The following PCDH11X variants were observed in gnomAD, a reference collection of about 807,000 sequenced individuals.
PCDH11X encodes protocadherin 11 X-linked, also known as protocadherin-11 X-linked.
In PCDH11X, 18 loss-of-function variants were observed where a neutral mutation model predicts 53.3. The ratio of observed to expected loss-of-function variants is 0.34; its 90% CI spans 0.23 to 0.50. PCDH11X has a LOEUF of 0.50. Ranked by LOEUF, PCDH11X falls within the 20% of genes least tolerant of loss-of-function variation. PCDH11X has a pLI of 0.98. For missense variants in PCDH11X, 570 were observed against 1,032.4 expected, an observed-to-expected ratio of 0.55 and a Z score of 6.14; for synonymous variants, 279 against 393.3, an observed-to-expected ratio of 0.71 and a Z score of 3.44.
chrX:92,062,543 A>G (rs1443486592), intron 6 of PCDH11X, among the ~76,000 whole-genome samples: 1 of 111,910 alleles, frequency 8.9e-6, no homozygotes, highest in Non-Finnish European at 1.9e-5. Flanking sequence ...AAGGATATGA[A>G]CAGACACTTC....
At chrX:91,954,359 T>C (rs1428009180) in intron 6 of PCDH11X, among the ~76,000 whole-genome samples, 2 of 111,650 alleles carry the variant, frequency 1.8e-5, no homozygotes, top group Non-Finnish European at 3.8e-5. Context: ...CGGTCTATCA[T>C]TGATGGGCAT....
rs1035680913 is a variant in PCDH11X at position 91,929,937 on chromosome X, G to C, written c.3033+50664G>C. Reference sequence around the variant, plus strand: ...TCATAAAAAGCCTCTATTGAGGAGAGTAGTGGAGTGATTTACTTAAAAAGA... The same window carrying C: ...TCATAAAAAGCCTCTATTGAGGAGACTAGTGGAGTGATTTACTTAAAAAGA... On this transcript the variant is annotated intron_variant, in intron 6 of 10. Coordinates refer to ENST00000682573, the MANE Select transcript of PCDH11X (RefSeq NM_032968.5). Among the ~76,000 whole-genome samples, 4 of 111,196 alleles carry C rather than the reference G, an allele frequency of 3.6e-5. 1 individual carries two copies. The highest frequency in any genetic ancestry group is 7.4e-4 in the South Asian group (2 of 2,696).
At chrX:91,863,355 A>C (rs1938792138) in intron 5 of PCDH11X, among the ~76,000 whole-genome samples, 1 of 110,999 alleles carries the variant, frequency 9.0e-6, no homozygotes, top group African/African-American at 3.3e-5. Flanking sequence ...TTATATACTG[A>C]CTTTCTCTCT....
At chrX:92,609,561 C>T (rs903189485) in intron 10 of PCDH11X, among the ~76,000 whole-genome samples, 8 of 111,530 alleles carry the variant, frequency 7.2e-5, no homozygotes, top group African/African-American at 2.6e-4. Context: ...ATAGTCTATA[C>T]AGATATTAGC....
intron 7 of PCDH11X, among the ~76,000 whole-genome samples, chrX:92,216,623 ACT>A (rs1328966497): frequency 2.1e-5 from 2 of 94,504 alleles, no homozygotes; most frequent in Non-Finnish European, 4.3e-5. Context: ...GTTGGAAAAA[ACT>A]CTGCAGGACA....
intron 6 of PCDH11X, among the ~76,000 whole-genome samples, chrX:92,132,143 G>A (rs1281421570): frequency 5.9e-5 from 6 of 101,921 alleles, no homozygotes; most frequent in African/African-American, 2.2e-4. Context: ...AAATTAGCTG[G>A]GCGTGGTGGT....
intron 4 of PCDH11X, among the ~76,000 whole-genome samples, chrX:91,822,199 A>T (rs1193087347): frequency 3.6e-5 from 4 of 110,180 alleles, no homozygotes; most frequent in African/African-American, 1.0e-4. Context: ...AAAATGAGCT[A>T]GGGAGGATTC....
intron 6 of PCDH11X, among the ~76,000 whole-genome samples, chrX:92,031,720 C>T (rs1191181773): frequency 9.0e-6 from 1 of 111,437 alleles, no homozygotes; most frequent in Non-Finnish European, 1.9e-5. Flanking sequence ...GTTTTCCCAA[C>T]ATCAGTTACT....
chrX:92,122,105 C>T (rs573381728), intron 6 of PCDH11X, among the ~76,000 whole-genome samples: 1 of 107,493 alleles, frequency 9.3e-6, no homozygotes, highest in South Asian at 4.2e-4. Context: ...TCCTCAGCTT[C>T]CCGAGTAGCT....
chrX:92,556,183 G>A (rs1257956008), intron 10 of PCDH11X, among the ~76,000 whole-genome samples: 1 of 110,844 alleles, frequency 9.0e-6, no homozygotes, highest in Non-Finnish European at 1.9e-5. Flanking sequence ...TGGAGACACA[G>A]CCAAACCACA....
chrX:92,481,654 G>A (rs2073509670), intron 10 of PCDH11X, among the ~76,000 whole-genome samples: 1 of 111,800 alleles, frequency 8.9e-6, no homozygotes, highest in East Asian at 2.8e-4. Flanking sequence ...GTTCAGGTCT[G>A]ACAGTTCCTC....
chrX:92,342,463 A>T (rs190166871), intron 8 of PCDH11X, among the ~76,000 whole-genome samples: 23 of 111,892 alleles, frequency 2.1e-4, no homozygotes, highest in African/African-American at 7.1e-4. Flanking sequence ...GATGCCCATA[A>T]ACAGTGGATT....
intron 6 of PCDH11X, among the ~76,000 whole-genome samples, chrX:92,040,809 GA>G (rs2063198539): frequency 9.8e-6 from 1 of 102,354 alleles, no homozygotes; most frequent in South Asian, 4.9e-4. Flanking sequence ...AATGCATTTT[GA>G]AAATTGGATA....
intron 8 of PCDH11X, among the ~76,000 whole-genome samples, chrX:92,308,166 T>C (rs1425715905): frequency 1.8e-5 from 2 of 108,145 alleles, no homozygotes; most frequent in African/African-American, 6.7e-5. Flanking sequence ...AAGAATGATA[T>C]GGAATCTCAA....
intron 1 of PCDH11X, among the ~76,000 whole-genome samples, chrX:91,807,850 T>G (rs2147554264): frequency 9.1e-6 from 1 of 109,420 alleles, no homozygotes; most frequent in Non-Finnish European, 1.9e-5. Flanking sequence ...ATTATTACTT[T>G]CAAAGAAATA....
intron 8 of PCDH11X, among the ~76,000 whole-genome samples, chrX:92,377,083 A>G (rs2070768878): frequency 8.9e-6 from 1 of 112,070 alleles, no homozygotes; most frequent in Non-Finnish European, 1.9e-5. Flanking sequence ...TCATTTTGAA[A>G]TTTAATAGGA....
chrX:92,152,329 CA>C (rs1216440141), intron 6 of PCDH11X, among the ~76,000 whole-genome samples: 1 of 103,183 alleles, frequency 9.7e-6, no homozygotes, highest in East Asian at 3.0e-4. Flanking sequence ...TAGTATTAGT[CA>C]GATAGTCCAG....
At chrX:92,152,858 C>T (rs1379726895) in intron 6 of PCDH11X, among the ~76,000 whole-genome samples, 7 of 110,228 alleles carry the variant, frequency 6.4e-5, no homozygotes, top group African/African-American at 6.6e-5. Flanking sequence ...AGTGCAGTGG[C>T]GTGATCTCGG....
intron 6 of PCDH11X, among the ~76,000 whole-genome samples, chrX:92,139,278 T>TC (rs1556045008): frequency 1.0e-5 from 1 of 96,433 alleles, no homozygotes; most frequent in African/African-American, 3.9e-5. Flanking sequence ...TTCTTTTTTT[T>TC]TTTTTTTTTT....
Sources: allele counts gnomAD v4.1 joint callset (sites outside exome capture counted in the v4.1 genomes callset), GRCh38; gene constraint gnomAD v4.1.1; transcripts MANE v1.5; gene names NCBI Gene and HGNC (gene_info 2026-07-23, HGNC 2026-07-21).